The following NALCN variants were observed in gnomAD, a reference collection of about 807,000 sequenced individuals.
The protein encoded by NALCN is sodium leak channel, non-selective, also known as sodium leak channel NALCN.
NALCN carries 111 observed loss-of-function variants against 225.3 expected under a neutral mutation model. That is an observed-to-expected ratio of 0.49 (90% CI 0.42 to 0.58). The LOEUF is 0.58. Ranked by LOEUF, NALCN falls within the 20% of genes least tolerant of loss-of-function variation. The pLI, the probability that NALCN is intolerant of heterozygous loss-of-function variation, is 0.00. For synonymous variants in NALCN, 764 were observed against 769.0 expected (o/e 0.99, Z 0.11); for missense variants, 1,378 against 2,202.4 (o/e 0.63, Z 7.49).
chr13:101,339,768 A>T (rs1449123516), intron 7 of NALCN, among the ~76,000 whole-genome samples: 1 of 152,196 alleles, frequency 6.6e-6, no homozygotes, highest in Non-Finnish European at 1.5e-5. Flanking sequence ...CAAACTAGAA[A>T]ATTCAATGAC....
At chr13:101,154,671 T>A (rs1447176197) in intron 15 of NALCN, among the ~76,000 whole-genome samples, 1 of 152,190 alleles carries the variant, frequency 6.6e-6, no homozygotes, top group Non-Finnish European at 1.5e-5. Flanking sequence ...GATAATCCAA[T>A]GGTGATGAGA....
At chr13:101,401,161 C>T (rs80097393) in intron 1 of NALCN, among the ~76,000 whole-genome samples, 3,459 of 152,220 alleles carry the variant, frequency 0.023, 128 homozygotes, top group African/African-American at 0.079. Flanking sequence ...TATTTCCAGG[C>T]TGTTATTGCT....
intron 3 of NALCN, among the ~76,000 whole-genome samples, chr13:101,390,559 C>T (rs1053514030): frequency 6.6e-6 from 1 of 151,884 alleles, no homozygotes; most frequent in Non-Finnish European, 1.5e-5. Context: ...AAAATATATC[C>T]GTAACTATCA....
At chr13:101,137,373 T>TTC (rs144925380) in intron 17 of NALCN, among the ~76,000 whole-genome samples, 3,576 of 150,276 alleles carry the variant, frequency 0.024, 55 homozygotes, top group Middle Eastern at 0.049. Flanking sequence ...CATTTGTTCA[T>TTC]TCTCTCTCTC....
chr13:101,138,308 A>C (rs637580), intron 17 of NALCN, among the ~76,000 whole-genome samples: 13,832 of 152,292 alleles, frequency 0.091, 1,004 homozygotes, highest in African/African-American at 0.2. Context: ...GTTATAAAAT[A>C]AAATGGGTAA....
chr13:101,279,816 C>CAAA (rs1324844513), intron 10 of NALCN, among the ~76,000 whole-genome samples: 33 of 89,772 alleles, frequency 3.7e-4, no homozygotes, highest in African/African-American at 1.2e-3. Context: ...GACTCCGTCT[C>CAAA]AAAAAATAAA....
Position 101,109,528 on chromosome 13 carries a change from C to T in NALCN, c.2364+1091G>A, listed in dbSNP as rs780481538. On this transcript the variant is annotated intron_variant, in intron 20 of 43. Transcript: ENST00000251127. ...AGATAAGTGGTGAAAAAGAGAAAAA[C>T]GAAATAACCCCAAGGCTTTGCTAAC... is the stretch of plus-strand genomic sequence containing the variant. 5.9e-5 allele frequency among the ~76,000 whole-genome samples: 9 copies of T among 152,172 alleles called. No individual in the cohort carries two copies. In the South Asian group the frequency reaches 1.0e-3, roughly 17 times the overall value.
chr13:101,178,749 G>A (rs2039066441), intron 14 of NALCN, among the ~76,000 whole-genome samples: 1 of 152,192 alleles, frequency 6.6e-6, no homozygotes, highest in South Asian at 2.1e-4. Context: ...TATTTAACAA[G>A]TGGTGCTGTC....
intron 7 of NALCN, among the ~76,000 whole-genome samples, chr13:101,303,487 C>A (rs2044045197): frequency 6.6e-6 from 1 of 152,108 alleles, no homozygotes; most frequent in South Asian, 2.1e-4. Context: ...CCACCAACAA[C>A]TTTTTCTATT....
chr13:101,335,844 TTTCTA>T (rs1406771731), intron 7 of NALCN, among the ~76,000 whole-genome samples: 4 of 152,246 alleles, frequency 2.6e-5, no homozygotes, highest in Admixed American at 2.0e-4. Context: ...AACTTTCTGT[TTTCTA>T]TTTATTTGTA....
In NALCN at chr13:101,065,704, G is replaced by A; in HGVS notation, c.4447-143C>T. 4 of 964,046 alleles carry A rather than the reference G, an allele frequency of 4.1e-6. No individual in the cohort carries two copies. The Admixed American group carries it at 1.1e-4, about 27-fold the overall frequency. 59.7% of individuals were successfully genotyped at this position (964,046 alleles called of 1,614,324 possible). ...GTGAAGAAAGCTGGTCACCTCCTTG[G>A]AGCCTGGTAGAATTAAGTGCACTAA... On this transcript the variant is annotated intron_variant, in intron 39 of 43. Coordinates refer to ENST00000251127, the MANE Select transcript of NALCN (RefSeq NM_052867.4).
At position 101,089,641 on chromosome 13, in the gene NALCN, T is replaced by C; in HGVS notation, c.3489+22A>G. ...GGCTAGAAAAGGCTAAACCCTGTGG[T>C]ATCCAAACCAAAAATCCTTACCTTG... On this transcript the variant is annotated intron_variant, in intron 30 of 43. Coordinates refer to ENST00000251127, the MANE Select transcript of NALCN (RefSeq NM_052867.4). This position sits in a 1 kb window ranked among gnomAD's most constrained non-coding sequence, Gnocchi z 4.7. 1 of 1,607,768 alleles carries C rather than the reference T, an allele frequency of 6.2e-7. No individual in the cohort carries two copies. The highest frequency in any genetic ancestry group is 1.3e-5 in the African/African-American group (1 of 74,864).
intron 15 of NALCN, among the ~76,000 whole-genome samples, chr13:101,155,792 A>T (rs919693262): frequency 6.6e-6 from 1 of 152,180 alleles, no homozygotes; most frequent in African/African-American, 2.4e-5. Flanking sequence ...CTTGGAGAGG[A>T]CACTTTGAGG....
chr13:101,054,381 A>AAAT lies in NALCN; in HGVS notation c.*911_*913dup, dbSNP rs1331936840. 2 of 152,232 alleles carry AAAT rather than the reference A, an allele frequency of 1.3e-5. No homozygotes were observed. Among genetic ancestry groups the AAAT allele is most frequent in the Non-Finnish European group, 2.9e-5 (2 of 68,038 alleles). The allele number at this position is 152,232 out of a possible 1,614,324, so 9.4% of individuals were successfully genotyped here. ...TGGTGTGTTAGGATCACCCAGAATG[A>AAAT]AATGACTCTGCTGATTTATGGCAAA... On this transcript the variant is annotated 3_prime_UTR_variant, in exon 44 of 44. Coordinates refer to ENST00000251127, the MANE Select transcript of NALCN (RefSeq NM_052867.4).
intron 10 of NALCN, among the ~76,000 whole-genome samples, chr13:101,270,132 G>A (rs1187442501): frequency 6.6e-6 from 1 of 152,136 alleles, no homozygotes; most frequent in Non-Finnish European, 1.5e-5. Context: ...TTTCTCACTA[G>A]TACTCCGCCA....
intron 9 of NALCN, among the ~76,000 whole-genome samples, chr13:101,288,438 T>G (rs906984356): frequency 1.3e-5 from 2 of 152,312 alleles, no homozygotes; most frequent in Admixed American, 6.5e-5. Flanking sequence ...TTTTCATCCA[T>G]TTTTTCTCTA....
intron 18 of NALCN, among the ~76,000 whole-genome samples, chr13:101,121,058 T>C (rs1029167917): frequency 6.6e-6 from 1 of 152,164 alleles, no homozygotes; most frequent in Admixed American, 6.6e-5. Flanking sequence ...TTTTGCTTGG[T>C]CAATAGATTA....
At chr13:101,125,759 G>A in intron 17 of NALCN, among the ~76,000 whole-genome samples, 1 of 152,190 alleles carries the variant, frequency 6.6e-6, no homozygotes, top group East Asian at 1.9e-4. Context: ...GTTATACTGG[G>A]CCTTGAAGGA....
At chr13:101,314,692 A>C (rs2044488110) in intron 7 of NALCN, among the ~76,000 whole-genome samples, 2 of 152,250 alleles carry the variant, frequency 1.3e-5, no homozygotes, top group South Asian at 4.1e-4. Context: ...AAATGAATAC[A>C]AAATGCAAAT....
Sources: allele counts gnomAD v4.1 joint callset (sites outside exome capture counted in the v4.1 genomes callset), GRCh38; gene constraint gnomAD v4.1.1; non-coding constraint Gnocchi (gnomAD v3.1); transcripts MANE v1.5; gene names NCBI Gene and HGNC (gene_info 2026-07-23, HGNC 2026-07-21).